Variants in ZNF385B observed in about 807,000 individuals in gnomAD.
The protein encoded by ZNF385B is zinc finger protein 385B, also known as zinc finger protein 533.
In ZNF385B, 23 loss-of-function variants were observed where a neutral mutation model predicts 39.2. The observed-to-expected ratio is 0.59, with a 90% CI of 0.42 to 0.83. The LOEUF is 0.83. Ranked by LOEUF, ZNF385B falls within the 40% of genes least tolerant of loss-of-function variation. The probability of loss-of-function intolerance (pLI) is 0.00; values close to 1 mark genes in which losing one functional copy is unlikely to be tolerated. For missense variants in ZNF385B, 552 were observed against 598.9 expected, an observed-to-expected ratio of 0.92 and a Z score of 0.82; for synonymous variants, 205 against 222.6, an observed-to-expected ratio of 0.92 and a Z score of 0.70.
chr2:179,556,218 T>C (rs1425703128), intron 3 of ZNF385B, among the ~76,000 whole-genome samples: 1 of 149,348 alleles, frequency 6.7e-6, no homozygotes. Flanking sequence ...ATGGATAAGA[T>C]TTATTTGCTA....
intron 3 of ZNF385B, among the ~76,000 whole-genome samples, chr2:179,683,280 C>T (rs1169145630): frequency 1.3e-5 from 2 of 151,832 alleles, no homozygotes; most frequent in Non-Finnish European, 2.9e-5. Context: ...ATCGCAGCTA[C>T]TCAGGAGGCT....
At chr2:179,455,252 T>C (rs2050556780) in intron 6 of ZNF385B, among the ~76,000 whole-genome samples, 2 of 152,138 alleles carry the variant, frequency 1.3e-5, no homozygotes, top group Non-Finnish European at 2.9e-5. Flanking sequence ...GTGTGTAGCA[T>C]AGGAGCTAAA....
intron 3 of ZNF385B, among the ~76,000 whole-genome samples, chr2:179,696,326 C>CTTTTTTTATTTTTTTTTTTTTTT: frequency 2.5e-5 from 1 of 40,354 alleles, no homozygotes; most frequent in Non-Finnish European, 4.1e-5. Flanking sequence ...CAAACTGGGA[C>CTTTTTTTATTTTTTTTTTTTTTT]TTTTTTTTTT....
At chr2:179,581,753 T>C (rs1165696222) in intron 3 of ZNF385B, among the ~76,000 whole-genome samples, 1 of 152,226 alleles carries the variant, frequency 6.6e-6, no homozygotes, top group African/African-American at 2.4e-5. Flanking sequence ...GACTGGGTTC[T>C]GGCCAATGGG....
rs1432753158 is a variant in ZNF385B, at chr2:179,757,830, G to T, written c.298+11673C>A. On this transcript the variant is annotated intron_variant, in intron 3 of 9. Transcript: ENST00000410066. ...TTGGAAAAGCACAGTATTAGGGTGG[G>T]AGTGACCCAATTTTCCAGGTGCCAT... is the stretch of plus-strand genomic sequence containing the variant. Among the ~76,000 whole-genome samples, 5 of 152,264 alleles carry T rather than the reference G, an allele frequency of 3.3e-5. No individual in the cohort carries two copies. In the East Asian group the frequency reaches 5.8e-4, roughly 18 times the overall value.
intron 1 of ZNF385B, among the ~76,000 whole-genome samples, chr2:179,845,437 G>T (rs1405546361): frequency 6.6e-6 from 1 of 152,036 alleles, no homozygotes; most frequent in East Asian, 1.9e-4. Context: ...TTCAACCCAG[G>T]GTACTCTGCC....
At chr2:179,643,929 G>A (rs1236366540) in intron 3 of ZNF385B, among the ~76,000 whole-genome samples, 2 of 152,016 alleles carry the variant, frequency 1.3e-5, no homozygotes, top group South Asian at 2.1e-4. Context: ...TTCAATAAAT[G>A]TTATGTTTAT....
intron 3 of ZNF385B, among the ~76,000 whole-genome samples, chr2:179,595,685 G>A (rs929320419): frequency 1.3e-5 from 2 of 148,764 alleles, no homozygotes; most frequent in Non-Finnish European, 3.0e-5. Flanking sequence ...GAGTGAAGTA[G>A]TATGATCACA....
intron 3 of ZNF385B, among the ~76,000 whole-genome samples, chr2:179,713,479 A>T (rs1186714874): frequency 6.6e-6 from 1 of 152,124 alleles, no homozygotes; most frequent in Non-Finnish European, 1.5e-5. Context: ...CTCTCTGACC[A>T]CTATAACTAT....
chr2:179,451,200 T>C (rs1303461954), intron 6 of ZNF385B, among the ~76,000 whole-genome samples: 5 of 149,836 alleles, frequency 3.3e-5, no homozygotes, highest in African/African-American at 1.2e-4. Flanking sequence ...TGTATACATA[T>C]GTAACTAACC....
chr2:179,620,237 T>C (rs1165114923), intron 3 of ZNF385B, among the ~76,000 whole-genome samples: 5 of 152,170 alleles, frequency 3.3e-5, no homozygotes, highest in African/African-American at 4.8e-5. Context: ...CTTCCCCTGA[T>C]TGCAAAATCC....
rs146478912 is a variant in ZNF385B, at chr2:179,766,637, C to T, written c.298+2866G>A. Among the ~76,000 whole-genome samples, 539 of 152,138 alleles carry T rather than the reference C, an allele frequency of 3.5e-3. 5 individuals are homozygous for T. Among genetic ancestry groups the T allele is most frequent in the Non-Finnish European group, 3.1e-3 (212 of 68,018 alleles). ...ATATCTGTCTCTGTGTCCGAATTTC[C>T]GTTTTTTTGTAAGGTTATCAGTCAT... On this transcript the variant is annotated intron_variant, in intron 3 of 9. Coordinates refer to ENST00000410066, the MANE Select transcript of ZNF385B (RefSeq NM_152520.6).
At chr2:179,756,049 A>G (rs1702992654) in intron 3 of ZNF385B, among the ~76,000 whole-genome samples, 1 of 152,112 alleles carries the variant, frequency 6.6e-6, no homozygotes, top group Non-Finnish European at 1.5e-5. Context: ...ACAATTTGGC[A>G]TGTTTTTGCA....
chr2:179,712,854 A>T (rs1700089215), intron 3 of ZNF385B, among the ~76,000 whole-genome samples: 1 of 152,184 alleles, frequency 6.6e-6, no homozygotes, highest in Admixed American at 6.5e-5. Flanking sequence ...TATTAACACA[A>T]TATTTAGACT....
chr2:179,676,354 C>T (rs1696798032), intron 3 of ZNF385B, among the ~76,000 whole-genome samples: 1 of 151,864 alleles, frequency 6.6e-6, no homozygotes, highest in African/African-American at 2.4e-5. Flanking sequence ...TCCCAAAGTG[C>T]TGGGATTACA....
intron 3 of ZNF385B, among the ~76,000 whole-genome samples, chr2:179,762,984 A>G (rs1041778613): frequency 1.6e-4 from 25 of 152,306 alleles, no homozygotes; most frequent in Non-Finnish European, 2.9e-4. Flanking sequence ...GGCTCACCAC[A>G]ACCTGTGCCT....
chr2:179,768,033 T>A (rs1703807739), intron 3 of ZNF385B, among the ~76,000 whole-genome samples: 2 of 151,450 alleles, frequency 1.3e-5, no homozygotes, highest in Admixed American at 6.6e-5. Flanking sequence ...CAATGCAACC[T>A]CTACCTCCTG....
intron 3 of ZNF385B, among the ~76,000 whole-genome samples, chr2:179,593,055 G>C (rs375725616): frequency 2.0e-5 from 3 of 152,002 alleles, no homozygotes; most frequent in African/African-American, 7.3e-5. Flanking sequence ...ACTTCCCCAG[G>C]ATTGAATAGA....
At chr2:179,498,793 CA>C (rs2056487048) in intron 5 of ZNF385B, among the ~76,000 whole-genome samples, 2 of 151,040 alleles carry the variant, frequency 1.3e-5, no homozygotes, top group Admixed American at 1.3e-4. Flanking sequence ...AAGAGCAGAC[CA>C]AACCCACATT....
Sources: allele counts gnomAD v4.1 joint callset (sites outside exome capture counted in the v4.1 genomes callset), GRCh38; gene constraint gnomAD v4.1.1; transcripts MANE v1.5; gene names NCBI Gene and HGNC (gene_info 2026-07-23, HGNC 2026-07-21).